Variants in WWOX observed in about 807,000 individuals in gnomAD.
WWOX encodes WW domain-containing oxidoreductase.
A neutral mutation model predicts 46.2 loss-of-function variants in WWOX; 69 were observed. That is an observed-to-expected ratio of 1.49 (90% CI 1.23 to 1.82). WWOX has a LOEUF of 1.82. Among genes scored for constraint, WWOX ranks in the 40% most tolerant of loss-of-function variants. The pLI is 0.00. For missense variants in WWOX, 919 were observed against 542.6 expected (o/e 1.69, Z -6.89); for synonymous variants, 359 against 202.6 (o/e 1.77, Z -6.56).
intron 8 of WWOX, among the ~76,000 whole-genome samples, chr16:78,703,736 A>C (rs538299867): frequency 6.6e-6 from 1 of 152,184 alleles, no homozygotes; most frequent in African/African-American, 2.4e-5. Context: ...TGGGAAGAAT[A>C]TCCCAAAATG....
intron 8 of WWOX, among the ~76,000 whole-genome samples, chr16:78,881,779 G>A (rs1435128458): frequency 6.6e-6 from 1 of 152,160 alleles, no homozygotes; most frequent in African/African-American, 2.4e-5. Flanking sequence ...CTTCTGCTCA[G>A]TTGGTTTCTA....
chr16:78,303,835 G>A (rs1050941125), intron 5 of WWOX, among the ~76,000 whole-genome samples: 5 of 152,210 alleles, frequency 3.3e-5, no homozygotes, highest in African/African-American at 9.6e-5. Context: ...GTGAGCCACC[G>A]TGCCCGGCCA....
chr16:78,982,519 A>T (rs1015524869), intron 8 of WWOX, among the ~76,000 whole-genome samples: 12 of 152,200 alleles, frequency 7.9e-5, no homozygotes, highest in African/African-American at 2.9e-4. Flanking sequence ...GTATCTTTAG[A>T]CTTTAACTGA....
At chr16:78,106,784 C>A (rs1404870135) in intron 1 of WWOX, among the ~76,000 whole-genome samples, 1 of 152,152 alleles carries the variant, frequency 6.6e-6, no homozygotes, top group Non-Finnish European at 1.5e-5. Flanking sequence ...TTTGTCCTTG[C>A]TACTGATACC....
chr16:78,963,167 T>A (rs1439781706), intron 8 of WWOX, among the ~76,000 whole-genome samples: 1 of 152,182 alleles, frequency 6.6e-6, no homozygotes, highest in African/African-American at 2.4e-5. Context: ...CTATCTTGAT[T>A]CATTTCAAAA....
chr16:79,174,365 C>G (rs570065205), intron 8 of WWOX, among the ~76,000 whole-genome samples: 6 of 152,166 alleles, frequency 3.9e-5, no homozygotes, highest in Non-Finnish European at 7.4e-5. Context: ...TAAGAAGGGA[C>G]TAGCCGGGTG....
chr16:78,956,827 G>C (rs973034123), intron 8 of WWOX, among the ~76,000 whole-genome samples: 1 of 152,190 alleles, frequency 6.6e-6, no homozygotes, highest in African/African-American at 2.4e-5. Context: ...AAGGCATGCT[G>C]TGCCCACTTT....
chr16:78,756,230 C>G (rs1322394273), intron 8 of WWOX, among the ~76,000 whole-genome samples: 1 of 152,002 alleles, frequency 6.6e-6, no homozygotes, highest in Non-Finnish European at 1.5e-5. Flanking sequence ...TCCAGCTGGC[C>G]CTGTTGCTTA....
chr16:78,542,609 A>T (rs570704533), intron 8 of WWOX, among the ~76,000 whole-genome samples: 1 of 152,322 alleles, frequency 6.6e-6, no homozygotes, highest in Admixed American at 6.5e-5. Flanking sequence ...TACCGCACAG[A>T]TCCACACAGG....
At chr16:79,130,276 A>C (rs1172005318) in intron 8 of WWOX, among the ~76,000 whole-genome samples, 1 of 152,222 alleles carries the variant, frequency 6.6e-6, no homozygotes. Flanking sequence ...TAAAGTGCTT[A>C]GCATAGTGCC....
At chr16:78,955,201 C>T (rs1038399272) in intron 8 of WWOX, among the ~76,000 whole-genome samples, 43 of 152,258 alleles carry the variant, frequency 2.8e-4, no homozygotes, top group Non-Finnish European at 4.3e-4. Flanking sequence ...GAGATCAGGG[C>T]CATATGCTAG....
intron 8 of WWOX, among the ~76,000 whole-genome samples, chr16:78,450,827 A>G (rs2083673683): frequency 6.6e-6 from 1 of 152,218 alleles, no homozygotes; most frequent in African/African-American, 2.4e-5. Flanking sequence ...CCTCTAAGAA[A>G]GATCATAAGA....
chr16:78,431,563 T>C (rs2083217857), intron 7 of WWOX, among the ~76,000 whole-genome samples: 1 of 152,176 alleles, frequency 6.6e-6, no homozygotes, highest in Admixed American at 6.5e-5. Context: ...TTTAATTTAA[T>C]TATCTTTGAA....
chr16:78,974,010 A>G (rs1375256299), intron 8 of WWOX, among the ~76,000 whole-genome samples: 1 of 152,094 alleles, frequency 6.6e-6, no homozygotes, highest in Non-Finnish European at 1.5e-5. Flanking sequence ...CTAGCACAAA[A>G]CTCATGCAAC....
At chr16:78,288,708 G>A (rs1442824246) in intron 5 of WWOX, among the ~76,000 whole-genome samples, 2 of 152,092 alleles carry the variant, frequency 1.3e-5, no homozygotes, top group African/African-American at 2.4e-5. Context: ...AATTCCGAGT[G>A]TCAGTTTTCC....
At chr16:78,775,533 A>T (rs775500263) in intron 8 of WWOX, among the ~76,000 whole-genome samples, 80 of 152,060 alleles carry the variant, frequency 5.3e-4, no homozygotes, top group Admixed American at 1.0e-3. Context: ...ATCAAGGGAG[A>T]GTATGGGCTT....
At chr16:78,220,321 G>C (rs1303698419) in intron 5 of WWOX, among the ~76,000 whole-genome samples, 1 of 152,122 alleles carries the variant, frequency 6.6e-6, no homozygotes, top group Non-Finnish European at 1.5e-5. Context: ...TAAATGTACA[G>C]TTTTTATCTT....
chr16:79,063,093 T>C (rs542922711), intron 8 of WWOX, among the ~76,000 whole-genome samples: 1 of 152,286 alleles, frequency 6.6e-6, no homozygotes, highest in African/African-American at 2.4e-5. Flanking sequence ...CCGCGCCAAA[T>C]CTCCCACCAA....
At chr16:78,890,396 C>G (rs572739815) in intron 8 of WWOX, 1 of 136,284 alleles carries the variant, frequency 7.3e-6, no homozygotes, top group Admixed American at 6.8e-5. Flanking sequence ...CATTCTTAAT[C>G]CTCATGTTCT....
Sources: gnomAD v4.1 joint callset for allele counts (sites outside exome capture counted in the v4.1 genomes callset) on GRCh38, gnomAD v4.1.1 for gene constraint, MANE v1.5 for transcripts, NCBI Gene and HGNC (gene_info 2026-07-23, HGNC 2026-07-21) for gene names.